Variants in TNXB observed in about 807,000 individuals in gnomAD.
TNXB encodes the protein tenascin-X.
TNXB carries 183 observed loss-of-function variants against 340.5 expected under a neutral mutation model. The ratio of observed to expected loss-of-function variants is 0.54; its 90% CI spans 0.48 to 0.61. The LOEUF (loss-of-function observed/expected upper bound fraction) is 0.61, where lower values mean the gene tolerates loss of function less well. Ranked by LOEUF, TNXB falls within the 20% of genes least tolerant of loss-of-function variation. The pLI is 0.00. For synonymous variants in TNXB, 2,121 were observed against 2,314.5 expected, an observed-to-expected ratio of 0.92 and a Z score of 2.40; for missense variants, 4,613 against 5,446.4, an observed-to-expected ratio of 0.85 and a Z score of 4.82.
At chr6:32,060,887 C>T (rs1777965378) in intron 21 of TNXB, among the ~76,000 whole-genome samples, 1 of 152,026 alleles carries the variant, frequency 6.6e-6, no homozygotes, top group Non-Finnish European at 1.5e-5. Flanking sequence ...GATCAGCCCG[C>T]CTCGGCCTCC....
At position 32,072,186 on chromosome 6, in the gene TNXB, T is replaced by C. The variant is rs1180222330; in HGVS notation, c.4794A>G (p.Thr1598=). The C allele has an allele frequency of 5.6e-6, 9 of 1,612,744 alleles. No homozygotes were observed. The highest frequency in any genetic ancestry group is 7.6e-6 in the Non-Finnish European group (9 of 1,179,478). The change falls in exon 13 of 44, where the codon ACA becomes ACG. Residue 1598 remains threonine, a synonymous_variant. Transcript: ENST00000644971. This position sits in a 1 kb window ranked among gnomAD's most constrained non-coding sequence, Gnocchi z 4.4. The stretch of plus-strand genomic sequence containing the variant: ...AGGAGTCGAATTCACCCTCAGGGAC[T>C]GTCCATGAGAGGCCCACAGAGTCAG... ...ITPDSVGLSW[T]VPEGEFDSFV...
chr6:32,104,511 G>T (rs1403863932), intron 1 of TNXB, among the ~76,000 whole-genome samples: 1 of 152,140 alleles, frequency 6.6e-6, no homozygotes, highest in Non-Finnish European at 1.5e-5. Flanking sequence ...ATATTTCCTT[G>T]TATCTACCTG....
chr6:32,088,731 G>A (rs772225569), intron 6 of TNXB, 54 bp downstream of exon 6: 95 of 1,531,916 alleles, frequency 6.2e-5, no homozygotes, highest in Non-Finnish European at 8.1e-5. Context: ...TCCTGAGGAG[G>A]AGGATCCAAG....
chr6:32,080,785 G>C lies in TNXB; in HGVS notation c.4042+583C>G, dbSNP rs1582437429. Among the ~76,000 whole-genome samples the C allele has an allele frequency of 6.6e-6, 1 of 152,310 alleles. No homozygotes were observed. The highest frequency in any genetic ancestry group is 2.1e-4 in the South Asian group (1 of 4,830). ...ACAGGGAAAGGCTGGGGACATGGAG[G>C]AACAGGCTGGGATGCTGGGCTGAAC... On this transcript the variant is annotated intron_variant, in intron 10 of 43. Coordinates refer to ENST00000644971, the MANE Select transcript of TNXB (RefSeq NM_001365276.2). The surrounding 1 kb of genome is among the most constrained non-coding windows in gnomAD (Gnocchi z 4.3).
Position 32,068,388 on chromosome 6 carries a change from A to T in TNXB, c.6220+2T>A, listed in dbSNP as rs1353211726. ...ACCCTGGGGCTCCCATCATCCACTC[A>T]CCTGTCACCCCGACGACAGACACAG... is the stretch of plus-strand genomic sequence containing the variant. On this transcript the variant is annotated splice_donor_variant, in intron 17 of 43. Transcript: ENST00000644971. LOFTEE classifies it high-confidence loss of function. This position sits in a 1 kb window ranked among gnomAD's most constrained non-coding sequence, Gnocchi z 5.3. 1 of 1,612,698 alleles carries T rather than the reference A, an allele frequency of 6.2e-7. No homozygotes were observed. Among genetic ancestry groups the T allele is most frequent in the Admixed American group, 1.7e-5 (1 of 59,994 alleles).
intron 4 of TNXB, among the ~76,000 whole-genome samples, chr6:32,094,383 C>T (rs776348256): frequency 2.6e-5 from 4 of 151,840 alleles, no homozygotes; most frequent in Non-Finnish European, 5.9e-5. Flanking sequence ...GTTTTCTGCA[C>T]GGGGCCTATA....
At position 32,061,475 on chromosome 6, in the gene TNXB, C is replaced by T; in HGVS notation, c.7414G>A (p.Gly2472Arg). The T allele has an allele frequency of 1.2e-6, 2 of 1,613,584 alleles. No homozygotes were observed. Among genetic ancestry groups the T allele is most frequent in the Non-Finnish European group, 1.7e-6 (2 of 1,179,818 alleles). Reference protein sequence around the residue: ...SEVTVGGLEPGRKYKMHLYGL... With the variant: ...SEVTVGGLEPRRKYKMHLYGL... ...TACAGGTGCATCTTGTATTTGCGCC[C>T]AGGCTCCAGGCCCCCCACGGTGACC... The change falls in exon 21 of 44, where the codon GGG becomes AGG. Residue 2472 changes from glycine (G) to arginine (R), a missense_variant. Transcript: ENST00000644971. This position sits in a 1 kb window ranked among gnomAD's most constrained non-coding sequence, Gnocchi z 4.4.
At chr6:32,065,179 G>A in intron 18 of TNXB, 62 bp from the exon 19 acceptor site, 1 of 1,427,960 alleles carries the variant, frequency 7.0e-7, no homozygotes, top group Non-Finnish European at 9.3e-7. Context: ...GGCCCCAGCT[G>A]TCTTGAATTC....
chr6:32,052,545 A>G lies in TNXB; in HGVS notation c.9115+125T>C. On this transcript the variant is annotated intron_variant, in intron 26 of 43. Coordinates refer to ENST00000644971, the MANE Select transcript of TNXB (RefSeq NM_001365276.2). This position sits in a 1 kb window ranked among gnomAD's most constrained non-coding sequence, Gnocchi z 4.7. ...AATCCAAATCTGCTTTTTAACAAAAATCTCCAGGCATTTGGATACACAAAG... is the reference window on the plus strand; with the variant it reads ...AATCCAAATCTGCTTTTTAACAAAAGTCTCCAGGCATTTGGATACACAAAG... 2.2e-6 allele frequency: 3 copies of G among 1,335,732 alleles called. No individual in the cohort carries two copies. Among genetic ancestry groups the G allele is most frequent in the Non-Finnish European group, 3.0e-6 (3 of 995,380 alleles). The allele number at this position is 1,335,732 out of a possible 1,614,324, so 82.7% of individuals were successfully genotyped here. A position where few individuals can be genotyped will look rare whatever the true frequency, so the allele number is the denominator to read the frequency against.
rs1778099387 is a variant in TNXB, at chr6:32,062,597, A to G, written c.6842-114T>C. 9.0e-6 allele frequency: 9 copies of G among 999,550 alleles called. No individual in the cohort carries two copies. Among genetic ancestry groups the G allele is most frequent in the Non-Finnish European group, 1.3e-5 (9 of 700,410 alleles). 61.9% of individuals were successfully genotyped at this position (999,550 alleles called of 1,614,324 possible). A position where few individuals can be genotyped will look rare whatever the true frequency, so the allele number is the denominator to read the frequency against. On this transcript the variant is annotated intron_variant, in intron 19 of 43. Transcript: ENST00000644971. This position sits in a 1 kb window ranked among gnomAD's most constrained non-coding sequence, Gnocchi z 4.3. ...CCACAGTCTGGATGCTGGTGCCCCA[A>G]GCTTAGAATATCATTTTTCTGCTTT...
rs954175908 is a variant in TNXB, at chr6:32,083,508, G to A, written c.3445+905C>T. ...ATATTGATCTAAGTTTATCTAAGGC[G>A]TTGTTCCCCACCTCTGCTGCTCCCT... On this transcript the variant is annotated intron_variant, in intron 8 of 43. Coordinates refer to ENST00000644971, the MANE Select transcript of TNXB (RefSeq NM_001365276.2). The surrounding 1 kb of genome is among the most constrained non-coding windows in gnomAD (Gnocchi z 4.6). 3.3e-5 allele frequency among the ~76,000 whole-genome samples: 5 copies of A among 152,140 alleles called. No individual in the cohort carries two copies. The highest frequency in any genetic ancestry group is 2.1e-4 in the South Asian group (1 of 4,822).
Position 32,097,176 on chromosome 6 carries a change from C to T in TNXB, c.677G>A (p.Gly226Glu). 5.6e-6 allele frequency: 9 copies of T among 1,596,548 alleles called. No homozygotes were observed. Among genetic ancestry groups the T allele is most frequent in the Non-Finnish European group, 6.8e-6 (8 of 1,172,188 alleles). ...CACACACACGCCCTGCACGCAGCGCCCACGGCCTTGGCAGTCCCCGGGACA... is the reference window on the plus strand; with the variant it reads ...CACACACACGCCCTGCACGCAGCGCTCACGGCCTTGGCAGTCCCCGGGACA... Reference protein sequence around the residue: ...PSCPGDCQGRGRCVQGVCVCR... With the variant: ...PSCPGDCQGRERCVQGVCVCR... The change falls in exon 3 of 44, where the codon GGG (glycine) becomes GAG (glutamate). Residue 226 changes from glycine (G) to glutamate (E), a missense_variant. Gly to Glu is a moderately conservative substitution (Grantham distance 98, BLOSUM62 -2). Coordinates refer to ENST00000644971, the MANE Select transcript of TNXB (RefSeq NM_001365276.2). This position sits in a 1 kb window ranked among gnomAD's most constrained non-coding sequence, Gnocchi z 5.9.
chr6:32,093,505 T>A, intron 4 of TNXB: 1 of 662,966 alleles, frequency 1.5e-6, no homozygotes, highest in South Asian at 1.6e-5. Flanking sequence ...AGGATGACAG[T>A]TCCTCTGAGC....
At position 32,067,615 on chromosome 6, in the gene TNXB, T is replaced by C. The variant is rs770536805; in HGVS notation, c.6544+46A>G. On this transcript the variant is annotated intron_variant, in intron 18 of 43. Transcript: ENST00000644971. The surrounding 1 kb of genome is among the most constrained non-coding windows in gnomAD (Gnocchi z 4.2). ...CTAGTGGAGGAGATGCTGGAGGCTG[T>C]ACTTTGCTAAGACCCAACCCAGAGG... is the stretch of plus-strand genomic sequence containing the variant. 6.3e-7 allele frequency: 1 copy of C among 1,589,186 alleles called. No individual in the cohort carries two copies. The highest frequency in any genetic ancestry group is 8.6e-7 in the Non-Finnish European group (1 of 1,166,114).
Position 32,089,440 on chromosome 6 carries a change from C to G in TNXB, c.2359-61G>C. On this transcript the variant is annotated intron_variant, in intron 4 of 43. Transcript: ENST00000644971. The surrounding 1 kb of genome is among the most constrained non-coding windows in gnomAD (Gnocchi z 6.2). ...CACTCTTGCCTCTGCTGCTCAATCC[C>G]CCTTATCTCTTCTTTCTCCAATTCT... 1 of 1,539,318 alleles carries G rather than the reference C, an allele frequency of 6.5e-7. No individual in the cohort carries two copies. The highest frequency in any genetic ancestry group is 8.8e-7 in the Non-Finnish European group (1 of 1,141,746).
intron 1 of TNXB, among the ~76,000 whole-genome samples, chr6:32,105,185 T>C (rs1462850612): frequency 1.3e-5 from 2 of 152,120 alleles, no homozygotes; most frequent in African/African-American, 2.4e-5. Flanking sequence ...CCCAGATCTT[T>C]GTATACTCTG....
chr6:32,085,121 C>A lies in TNXB; in HGVS notation c.3149-412G>T, dbSNP rs34878747. The stretch of plus-strand genomic sequence containing the variant: ...CTGGAGCTGGGGGATGAGTCAGCCA[C>A]CCTGGTCCCACAGAGAGGAACAAAG... On this transcript the variant is annotated intron_variant, in intron 7 of 43. Coordinates refer to ENST00000644971, the MANE Select transcript of TNXB (RefSeq NM_001365276.2). The surrounding 1 kb of genome is among the most constrained non-coding windows in gnomAD (Gnocchi z 6.4). Among the ~76,000 whole-genome samples, 1 of 152,028 alleles carries A rather than the reference C, an allele frequency of 6.6e-6. No homozygotes were observed. Among genetic ancestry groups the A allele is most frequent in the South Asian group, 2.1e-4 (1 of 4,816 alleles).
chr6:32,100,174 G>A (rs933957592), intron 1 of TNXB, among the ~76,000 whole-genome samples: 12 of 150,620 alleles, frequency 8.0e-5, no homozygotes, highest in Non-Finnish European at 1.5e-4. Context: ...GTGCTATCTC[G>A]GCTCACTGCA....
Position 32,056,890 on chromosome 6 carries a change from C to T in TNXB, c.7839G>A (p.Glu2613=). The stretch of plus-strand genomic sequence containing the variant: ...TCATGGTAGGCACTGCTTGGGTGGT[C>T]TCGGCTTCATCCTCTGGAGTTGGAC... ...SAVGVTEDEA[E]TTQAVPTMTP... is the part of the protein sequence containing the mutation. The change falls in exon 23 of 44, where the codon GAG becomes GAA. Residue 2613 remains glutamate, a synonymous_variant. Transcript: ENST00000644971. 1.2e-6 allele frequency: 2 copies of T among 1,611,540 alleles called. No individual in the cohort carries two copies. Among genetic ancestry groups the T allele is most frequent in the Non-Finnish European group, 1.7e-6 (2 of 1,178,772 alleles).
Sources: gnomAD v4.1 joint callset for allele counts (sites outside exome capture counted in the v4.1 genomes callset) on GRCh38, gnomAD v4.1.1 for gene constraint, Gnocchi (gnomAD v3.1) non-coding constraint, MANE v1.5 for transcripts, NCBI Gene and HGNC (gene_info 2026-07-23, HGNC 2026-07-21) for gene names.